The following ABCA9 variants were observed in gnomAD, a reference collection of about 807,000 sequenced individuals.
ABCA9 encodes ATP-binding cassette sub-family A member 9.
A neutral mutation model predicts 205.3 loss-of-function variants in ABCA9; 183 were observed. The observed-to-expected ratio is 0.89, with a 90% confidence interval of 0.79 to 1.01. ABCA9 has a LOEUF of 1.01. Ranked by LOEUF, ABCA9 falls within the 50% of genes least tolerant of loss-of-function variation. ABCA9 has a pLI of 0.00. For missense variants in ABCA9, 1,805 were observed against 1,912.4 expected (o/e 0.94, Z 1.05); for synonymous variants, 651 against 683.3 (o/e 0.95, Z 0.74).
intron 25 of ABCA9, among the ~76,000 whole-genome samples, chr17:68,998,541 A>C (rs569790937): frequency 6.6e-6 from 1 of 152,156 alleles, no homozygotes; most frequent in African/African-American, 2.4e-5. Context: ...ATCATTCCAT[A>C]ACAGTTCTTT....
intron 9 of ABCA9, chr17:69,032,542 A>G: frequency 3.4e-6 from 1 of 291,458 alleles, no homozygotes; most frequent in Non-Finnish European, 6.4e-6. Context: ...GAGATGTCTC[A>G]GGAGGAATTT....
At chr17:69,028,703 T>C in intron 11 of ABCA9, 58 bp from the exon 12 acceptor site, 3 of 1,028,946 alleles carry the variant, frequency 2.9e-6, no homozygotes, top group South Asian at 2.0e-5. Flanking sequence ...TTACAGTCTC[T>C]GAAACTGTTG....
At chr17:69,034,992 C>G (rs2071285112) in intron 8 of ABCA9, 1 of 286,278 alleles carries the variant, frequency 3.5e-6, no homozygotes, top group South Asian at 1.6e-4. Flanking sequence ...CTGAATGAGA[C>G]AAATGTTCTC....
chr17:69,067,322 G>C, the ABCA9 span, among the ~76,000 whole-genome samples: 2 of 151,968 alleles, frequency 1.3e-5, no homozygotes, highest in African/African-American at 4.8e-5. Context: ...CAAGGTGGGA[G>C]GATCTCTCGA....
Position 68,975,020 on chromosome 17 carries a change from C to T in ABCA9, c.*895G>A, listed in dbSNP as rs546277608. On this transcript the variant is annotated 3_prime_UTR_variant, in exon 39 of 39. Coordinates refer to ENST00000340001, the MANE Select transcript of ABCA9 (RefSeq NM_080283.4). ...CCTCCCCTAGCCCCCATCCCCCCAA[C>T]AGGCCCCAGGGTGTGGTGTTCCCCT... 1 of 152,162 alleles carries T rather than the reference C, an allele frequency of 6.6e-6. No homozygotes were observed. Among genetic ancestry groups the T allele is most frequent in the African/African-American group, 2.4e-5 (1 of 41,500 alleles). 9.4% of individuals were successfully genotyped at this position (152,162 alleles called of 1,614,324 possible).
chr17:69,043,800 T>G, intron 5 of ABCA9, 85 bp from the exon 6 acceptor site: 1 of 1,108,292 alleles, frequency 9.0e-7, no homozygotes, highest in Non-Finnish European at 1.3e-6. Context: ...AGGAATCACG[T>G]ACATTCTACA....
chr17:69,055,231 A>C (rs2072033851), intron 1 of ABCA9, among the ~76,000 whole-genome samples: 1 of 152,218 alleles, frequency 6.6e-6, no homozygotes, highest in African/African-American at 2.4e-5. Flanking sequence ...GACAAAAAAG[A>C]TGTAATTACA....
rs750611025 is a variant in ABCA9 at position 68,976,201 on chromosome 17, A to AT, written c.4721-12dup. On this transcript the variant is annotated splice_polypyrimidine_tract_variant and intron_variant, in intron 37 of 38. Transcript: ENST00000340001. ...CGAAACTCTGTTTAACTGCATAAGA[A>AT]TGAGCATACATTAGGAATTCTATTT... is the stretch of plus-strand genomic sequence containing the variant. 3 of 1,611,560 alleles carry AT rather than the reference A, an allele frequency of 1.9e-6. No homozygotes were observed. The highest frequency in any genetic ancestry group is 1.7e-6 in the Non-Finnish European group (2 of 1,178,662).
chr17:69,052,240 T>C (rs1330631707), intron 1 of ABCA9, among the ~76,000 whole-genome samples: 1 of 152,104 alleles, frequency 6.6e-6, no homozygotes, highest in Admixed American at 6.6e-5. Context: ...CTGGACATGG[T>C]CCTTGTAGTC....
intron 28 of ABCA9, 122 bp downstream of exon 28, chr17:68,992,053 A>T (rs1437033361): frequency 1.7e-6 from 1 of 599,292 alleles, no homozygotes; most frequent in Non-Finnish European, 2.8e-6. Context: ...AGAATTTTGT[A>T]TATCACAGTC....
At chr17:68,992,051 G>C (rs1295074132) in intron 28 of ABCA9, 124 bp downstream of exon 28, 11 of 585,372 alleles carry the variant, frequency 1.9e-5, no homozygotes, top group Non-Finnish European at 2.9e-5. Flanking sequence ...TAAGAATTTT[G>C]TATATCACAG....
At chr17:69,076,305 T>C in the ABCA9 span, among the ~76,000 whole-genome samples, 2 of 152,190 alleles carry the variant, frequency 1.3e-5, no homozygotes, top group Admixed American at 6.5e-5. Flanking sequence ...ATTCTCTTTA[T>C]GTGGTAAATC....
At chr17:69,004,378 G>A (rs2070027609) in intron 25 of ABCA9, among the ~76,000 whole-genome samples, 1 of 152,208 alleles carries the variant, frequency 6.6e-6, no homozygotes, top group African/African-American at 2.4e-5. Context: ...GTACCCTGCA[G>A]TGTGAGGTGT....
At position 69,024,228 on chromosome 17, in the gene ABCA9, G is replaced by T; in HGVS notation, c.2267C>A (p.Thr756Lys). The T allele has an allele frequency of 1.2e-6, 2 of 1,612,184 alleles. No homozygotes were observed. The highest frequency in any genetic ancestry group is 1.7e-6 in the Non-Finnish European group (2 of 1,179,310). Residue 756 changes from threonine to lysine, a missense_variant, in exon 17 of 39, where the codon ACA (threonine) becomes AAA (lysine). Physicochemically the swap from Thr to Lys is moderately conservative, Grantham distance 78. Coordinates refer to ENST00000340001, the MANE Select transcript of ABCA9 (RefSeq NM_080283.4). ...CATTTTGTTACCTGGAAATTTGTTT[G>T]TCCTTTCCAAAGGCAAAATATATAC... ...KLVYILPLER[T>K]NKFPELYRDL... is the part of the protein sequence containing the mutation.
chr17:69,035,202 G>C (rs1455460578), intron 8 of ABCA9, 44 bp downstream of exon 8: 16 of 1,424,704 alleles, frequency 1.1e-5, no homozygotes, highest in Non-Finnish European at 1.5e-5. Flanking sequence ...GGGAATCTGT[G>C]TAGAACGGTT....
chr17:68,988,871 T>C (rs568759706), intron 31 of ABCA9, among the ~76,000 whole-genome samples, 156 bp downstream of exon 31: 43 of 152,318 alleles, frequency 2.8e-4, no homozygotes, highest in African/African-American at 1.0e-3. Flanking sequence ...AGAAACAAAC[T>C]GTTTTTGGAA....
intron 1 of ABCA9, among the ~76,000 whole-genome samples, chr17:69,052,509 A>T (rs1051336223): frequency 2.6e-5 from 4 of 152,236 alleles, no homozygotes; most frequent in African/African-American, 9.6e-5. Flanking sequence ...TTGAAACAAC[A>T]ATGATTAAAA....
intron 23 of ABCA9, among the ~76,000 whole-genome samples, chr17:69,011,039 C>T (rs1256080359): frequency 6.6e-6 from 1 of 152,134 alleles, no homozygotes; most frequent in Admixed American, 6.5e-5. Context: ...GAACTAAAGC[C>T]TGGACATTTA....
At chr17:69,033,926 T>A in intron 8 of ABCA9, 53 bp from the exon 9 acceptor site, 1 of 1,382,852 alleles carries the variant, frequency 7.2e-7, no homozygotes, top group Admixed American at 2.0e-5. Flanking sequence ...GCATTAAGAA[T>A]TATTATTGTT....
Sources: allele counts gnomAD v4.1 joint callset (sites outside exome capture counted in the v4.1 genomes callset), GRCh38; gene constraint gnomAD v4.1.1; transcripts MANE v1.5; gene names NCBI Gene and HGNC (gene_info 2026-07-23, HGNC 2026-07-21).